The following PKHD1 variants were observed in gnomAD, a reference collection of about 807,000 sequenced individuals.
The protein encoded by PKHD1 is PKHD1 ciliary IPT domain containing fibrocystin/polyductin.
In PKHD1, 291 loss-of-function variants were observed where a neutral mutation model predicts 412.0. The observed-to-expected ratio is 0.71, with a 90% confidence interval of 0.64 to 0.78. The LOEUF is 0.78. Among genes scored for constraint, PKHD1 ranks in the 30% least tolerant of loss-of-function variants. The probability of loss-of-function intolerance (pLI) is 0.00; values close to 1 mark genes in which losing one functional copy is unlikely to be tolerated. For synonymous variants in PKHD1, 1,777 were observed against 1,821.5 expected, an observed-to-expected ratio of 0.98 and a Z score of 0.62; for missense variants, 4,825 against 4,950.7, an observed-to-expected ratio of 0.97 and a Z score of 0.76.
chr6:52,058,989 A>G (rs920177879), intron 15 of PKHD1, among the ~76,000 whole-genome samples: 3 of 152,172 alleles, frequency 2.0e-5, no homozygotes, highest in African/African-American at 7.2e-5. Context: ...TAGCAAATCA[A>G]TTTCAGACAT....
At chr6:52,020,626 C>T (rs1476959590) in intron 33 of PKHD1, among the ~76,000 whole-genome samples, 3 of 152,166 alleles carry the variant, frequency 2.0e-5, no homozygotes, top group African/African-American at 7.2e-5. Context: ...ACTAAGAATA[C>T]TCCACTTTCC....
intron 55 of PKHD1, among the ~76,000 whole-genome samples, chr6:51,769,545 T>C (rs956003286): frequency 4.6e-5 from 7 of 151,520 alleles, no homozygotes; most frequent in African/African-American, 1.7e-4. Context: ...TGATTAAAGT[T>C]ATTAGAGATT....
chr6:51,640,531 C>T (rs1246018572), intron 63 of PKHD1, among the ~76,000 whole-genome samples: 1 of 152,094 alleles, frequency 6.6e-6, no homozygotes, highest in Non-Finnish European at 1.5e-5. Flanking sequence ...TGACAGGCTC[C>T]CTGATCATGC....
intron 37 of PKHD1, 147 bp from the exon 38 acceptor site, chr6:51,912,723 C>T (rs1783153229): frequency 7.5e-6 from 5 of 663,972 alleles, no homozygotes; most frequent in South Asian, 1.7e-5. Context: ...TAGGTAAGCA[C>T]TAATTTTTTT....
chr6:51,629,253 A>G (rs1358305687), intron 65 of PKHD1, among the ~76,000 whole-genome samples: 1 of 152,184 alleles, frequency 6.6e-6, no homozygotes, highest in East Asian at 1.9e-4. Flanking sequence ...ACAGCAAAAG[A>G]AACTGTCAAC....
At position 51,909,445 on chromosome 6, in the gene PKHD1, T is replaced by A; in HGVS notation, c.6520A>T (p.Ser2174Cys). 1 of 1,613,334 alleles carries A rather than the reference T, an allele frequency of 6.2e-7. No individual in the cohort carries two copies. Among genetic ancestry groups the A allele is most frequent in the Non-Finnish European group, 8.5e-7 (1 of 1,179,506 alleles). The change falls in exon 40 of 67, where the codon AGT becomes TGT. Residue 2174 changes from serine to cysteine, a missense_variant. Ser to Cys is a moderately radical substitution (Grantham distance 112). Coordinates refer to ENST00000371117, the MANE Select transcript of PKHD1 (RefSeq NM_138694.4). ...TCCCTGGATCCTAGCATCTTCTCAC[T>A]CATGGAATACAAACAGTGCTGCAGA... The part of the protein sequence containing the change: ...GNLQHCLYSM[S>C]EKMLGSRDMG...
intron 32 of PKHD1, among the ~76,000 whole-genome samples, chr6:52,023,756 A>G (rs1417803011): frequency 2.0e-5 from 3 of 152,192 alleles, no homozygotes; most frequent in Admixed American, 6.5e-5. Context: ...TCCATCATAA[A>G]AAAACATGGA....
intron 35 of PKHD1, 110 bp downstream of exon 35, chr6:52,010,199 T>C (rs969180305): frequency 1.2e-5 from 11 of 904,574 alleles, no homozygotes; most frequent in Non-Finnish European, 1.8e-5. Flanking sequence ...TGAGCACATT[T>C]AATATTATAT....
intron 25 of PKHD1, among the ~76,000 whole-genome samples, chr6:52,044,426 C>G (rs1464481794): frequency 2.0e-5 from 3 of 152,100 alleles, no homozygotes; most frequent in Non-Finnish European, 4.4e-5. Flanking sequence ...AAGAACACTT[C>G]AATTTTATCT....
At chr6:51,999,124 G>C (rs1413593712) in intron 35 of PKHD1, among the ~76,000 whole-genome samples, 1 of 152,178 alleles carries the variant, frequency 6.6e-6, no homozygotes, top group African/African-American at 2.4e-5. Context: ...GAATGCACCA[G>C]TGGAAAAAGA....
intron 65 of PKHD1, among the ~76,000 whole-genome samples, chr6:51,629,340 C>T (rs1273605044): frequency 6.6e-6 from 1 of 151,874 alleles, no homozygotes; most frequent in Admixed American, 6.6e-5. Context: ...ATACCAGAAT[C>T]TATAAGAACT....
Position 51,830,902 on chromosome 6 carries a change from T to C in PKHD1, c.8261A>G (p.Asn2754Ser), listed in dbSNP as rs1768131399. ...GTCATCCCCAGGGCCTGGAATGGTA[T>C]TGTTGTATCCTCCCCAGCCTTCTTC... The part of the protein sequence containing the change: ...GVEEGWGGYN[N>S]TIPGPGDDVL... Residue 2754 changes from asparagine (N) to serine (S), a missense_variant, in exon 52 of 67, where the codon AAT becomes AGT. Asn to Ser is a conservative substitution (Grantham distance 46, BLOSUM62 1). Coordinates refer to ENST00000371117, the MANE Select transcript of PKHD1 (RefSeq NM_138694.4). 3.7e-6 allele frequency: 6 copies of C among 1,612,684 alleles called. No individual in the cohort carries two copies. The highest frequency in any genetic ancestry group is 1.3e-5 in the African/African-American group (1 of 74,842).
chr6:51,780,865 G>T (rs1034159444), intron 53 of PKHD1, among the ~76,000 whole-genome samples: 1 of 152,038 alleles, frequency 6.6e-6, no homozygotes, highest in African/African-American at 2.4e-5. Flanking sequence ...TATTTTCCAG[G>T]TGCTAGTCAC....
chr6:52,085,505 TCTCTCCGTGGC>T (rs1196625088), intron 1 of PKHD1, among the ~76,000 whole-genome samples: 97 of 152,134 alleles, frequency 6.4e-4, no homozygotes, highest in African/African-American at 2.3e-3. Context: ...TGCCCTCAAC[TCTCTCCGTGGC>T]CTCAGGAGAT....
At chr6:51,788,329 C>T (rs111274343) in intron 53 of PKHD1, among the ~76,000 whole-genome samples, 1 of 152,048 alleles carries the variant, frequency 6.6e-6, no homozygotes, top group Non-Finnish European at 1.5e-5. Context: ...TGCTGGAGAG[C>T]TTCTGTTGAC....
At chr6:51,703,158 G>T (rs1028855425) in intron 60 of PKHD1, among the ~76,000 whole-genome samples, 1 of 151,964 alleles carries the variant, frequency 6.6e-6, no homozygotes, top group Admixed American at 6.6e-5. Context: ...ATTGTTGAAG[G>T]TTTATCTAAA....
At chr6:52,040,417 C>T (rs1804662660) in intron 27 of PKHD1, among the ~76,000 whole-genome samples, 1 of 152,128 alleles carries the variant, frequency 6.6e-6, no homozygotes, top group African/African-American at 2.4e-5. Context: ...CTGGTTCCAT[C>T]TTTGCCTCCC....
At position 51,753,254 on chromosome 6, in the gene PKHD1, C is replaced by A; in HGVS notation, c.8897G>T (p.Arg2966Met). The A allele has an allele frequency of 6.2e-7, 1 of 1,613,846 alleles. No homozygotes were observed. The highest frequency in any genetic ancestry group is 8.5e-7 in the Non-Finnish European group (1 of 1,179,788). ...NIQIQPDVSC[R>M]GRLFVGSFRK... ...GAAGGACCCCACAAACAGTCTCCCC[C>A]TACATGATACGTCAGGCTGAATTTG... Residue 2966 changes from arginine (R) to methionine (M), a missense_variant, in exon 57 of 67, where the codon AGG (arginine) becomes ATG (methionine). Coordinates refer to ENST00000371117, the MANE Select transcript of PKHD1 (RefSeq NM_138694.4).
chr6:52,001,253 TG>T (rs1290158022), intron 35 of PKHD1, among the ~76,000 whole-genome samples: 6 of 152,154 alleles, frequency 3.9e-5, no homozygotes, highest in African/African-American at 1.4e-4. Flanking sequence ...TGCATTATAA[TG>T]TTTACATTGA....
Sources: allele counts gnomAD v4.1 joint callset (sites outside exome capture counted in the v4.1 genomes callset), GRCh38; gene constraint gnomAD v4.1.1; transcripts MANE v1.5; gene names NCBI Gene and HGNC (gene_info 2026-07-23, HGNC 2026-07-21).